Variants in SLC6A2 observed in about 807,000 individuals in gnomAD.
The protein encoded by SLC6A2 is solute carrier family 6 member 2.
Under a neutral mutation model 71.7 loss-of-function variants are expected in SLC6A2, and 26 were observed. The ratio of observed to expected loss-of-function variants is 0.36; its 90% CI spans 0.27 to 0.50. The LOEUF is 0.50. Among genes scored for constraint, SLC6A2 ranks in the 20% least tolerant of loss-of-function variants. The pLI, the probability that SLC6A2 is intolerant of heterozygous loss-of-function variation, is 0.96. For missense variants in SLC6A2, 581 were observed against 803.9 expected (o/e 0.72, Z 3.35); for synonymous variants, 363 against 337.9 (o/e 1.07, Z -0.82).
intron 5 of SLC6A2, among the ~76,000 whole-genome samples, chr16:55,685,850 G>T (rs1965434750): frequency 6.6e-6 from 1 of 152,152 alleles, no homozygotes; most frequent in African/African-American, 2.4e-5. Flanking sequence ...GACCCATGAG[G>T]GCCAGTCCGG....
At chr16:55,664,915 A>C (rs1964706938) in intron 2 of SLC6A2, among the ~76,000 whole-genome samples, 1 of 151,994 alleles carries the variant, frequency 6.6e-6, no homozygotes, top group Admixed American at 6.6e-5. Flanking sequence ...ACCACCCTCC[A>C]ATACCCGGAC....
Position 55,685,348 on chromosome 16 carries a change from G to A in SLC6A2, c.783+67G>A, listed in dbSNP as rs1200237149. ...ACCTTGGGGGGTGTGATTATTTCTAGCAATAATTATGTAGCTGGTGGACAA... is the reference window on the plus strand; with the variant it reads ...ACCTTGGGGGGTGTGATTATTTCTAACAATAATTATGTAGCTGGTGGACAA... On this transcript the variant is annotated intron_variant, in intron 5 of 14. Coordinates refer to ENST00000568943, the MANE Select transcript of SLC6A2 (RefSeq NM_001172501.3). The A allele has an allele frequency of 2.0e-6, 3 of 1,528,872 alleles. No homozygotes were observed. In the African/African-American group the frequency reaches 4.1e-5, roughly 21 times the overall value. 94.7% of individuals were successfully genotyped at this position (1,528,872 alleles called of 1,614,324 possible).
At position 55,656,684 on chromosome 16, in the gene SLC6A2, C is replaced by T; in HGVS notation, c.-11C>T. ...CCAGGACCGGTAAAGTTCCTCTCGC[C>T]AGCCGCATCCATGCTTCTGGCGCGG... On this transcript the variant is annotated 5_prime_UTR_variant, in exon 2 of 15. Coordinates refer to ENST00000568943, the MANE Select transcript of SLC6A2 (RefSeq NM_001172501.3). This position sits in a 1 kb window ranked among gnomAD's most constrained non-coding sequence, Gnocchi z 4.5. 1.9e-6 allele frequency: 3 copies of T among 1,611,726 alleles called. No homozygotes were observed. Among genetic ancestry groups the T allele is most frequent in the Non-Finnish European group, 1.7e-6 (2 of 1,179,904 alleles).
intron 4 of SLC6A2, among the ~76,000 whole-genome samples, chr16:55,678,224 T>C (rs759743651): frequency 9.9e-5 from 15 of 151,558 alleles, no homozygotes; most frequent in Non-Finnish European, 1.8e-4. Context: ...TAGATAGGAG[T>C]TCTTCTCACG....
intron 3 of SLC6A2, among the ~76,000 whole-genome samples, chr16:55,669,950 T>A (rs531779451): frequency 6.6e-6 from 1 of 152,324 alleles, no homozygotes; most frequent in East Asian, 1.9e-4. Context: ...GAGAATCTAT[T>A]TCCTGTATGG....
At chr16:55,671,812 G>T in intron 3 of SLC6A2, 126 bp from the exon 4 acceptor site, 1 of 1,513,294 alleles carries the variant, frequency 6.6e-7, no homozygotes, top group South Asian at 1.3e-5. Flanking sequence ...AAAGGTTGGG[G>T]ACCGCTGTTC....
intron 4 of SLC6A2, among the ~76,000 whole-genome samples, chr16:55,680,113 G>T (rs1165482130): frequency 4.6e-5 from 7 of 152,174 alleles, no homozygotes; most frequent in African/African-American, 7.2e-5. Flanking sequence ...ACTGTTTTAG[G>T]TGCTAAGAAG....
intron 5 of SLC6A2, among the ~76,000 whole-genome samples, chr16:55,691,433 G>T (rs1337481442): frequency 6.6e-6 from 1 of 152,156 alleles, no homozygotes; most frequent in Non-Finnish European, 1.5e-5. Flanking sequence ...CTTGATCTAG[G>T]CAATCCTTTG....
chr16:55,705,189 G>T lies in SLC6A2; in HGVS notation c.*2843G>T, dbSNP rs1262661734. On this transcript the variant is annotated 3_prime_UTR_variant, in exon 15 of 15. Coordinates refer to ENST00000568943, the MANE Select transcript of SLC6A2 (RefSeq NM_001172501.3). ...CGTCTACTCAATGTCTAGTTATTTA[G>T]CACCCACCTTTTAGCTTTCATTCTA... 6.6e-7 allele frequency: 1 copy of T among 1,513,862 alleles called. No individual in the cohort carries two copies. The highest frequency in any genetic ancestry group is 1.4e-5 in the African/African-American group (1 of 72,524). The allele number at this position is 1,513,862 out of a possible 1,614,324, so 93.8% of individuals were successfully genotyped here.
At chr16:55,681,768 T>G (rs1391426383) in intron 4 of SLC6A2, among the ~76,000 whole-genome samples, 1 of 152,278 alleles carries the variant, frequency 6.6e-6, no homozygotes, top group Non-Finnish European at 1.5e-5. Flanking sequence ...CATCTGCCTC[T>G]GGCAGACAGA....
intron 3 of SLC6A2, among the ~76,000 whole-genome samples, chr16:55,671,390 G>T (rs552688961): frequency 1.3e-5 from 2 of 152,276 alleles, no homozygotes; most frequent in African/African-American, 4.8e-5. Context: ...CCAGTGGAAA[G>T]AGAGAGCTCT....
Position 55,698,492 on chromosome 16 carries a change from C to T in SLC6A2, c.1413C>T (p.Leu471=), listed in dbSNP as rs1965869309. 1.2e-6 allele frequency: 2 copies of T among 1,613,966 alleles called. No homozygotes were observed. Among genetic ancestry groups the T allele is most frequent in the Non-Finnish European group, 1.7e-6 (2 of 1,179,960 alleles). ...ITKGGIYVLT[L]LDTFAAGTSI... The stretch of plus-strand genomic sequence containing the variant: ...AGGGTGGAATTTACGTCTTGACCCT[C>T]CTGGACACCTTTGCTGCGGGCACCT... Residue 471 remains leucine (L), a synonymous_variant, in exon 11 of 15, where the codon CTC becomes CTT. Coordinates refer to ENST00000568943, the MANE Select transcript of SLC6A2 (RefSeq NM_001172501.3).
intron 2 of SLC6A2, among the ~76,000 whole-genome samples, chr16:55,666,605 T>C (rs1964756871): frequency 6.6e-6 from 1 of 152,208 alleles, no homozygotes; most frequent in Admixed American, 6.5e-5. Context: ...AAGCTTTGGC[T>C]GGCCCACATC....
Position 55,692,029 on chromosome 16 carries a change from T to A in SLC6A2, c.895T>A (p.Phe299Ile), listed in dbSNP as rs769759246. ...NGINAYLHID[F>I]YRLKEATVWI... ...CATCAATGCCTACCTGCACATCGAC[T>A]TCTACCGCTTGAAAGAGGCCACGGT... Residue 299 changes from phenylalanine (F) to isoleucine (I), a missense_variant, in exon 6 of 15, where the codon TTC becomes ATC. Physicochemically the swap from Phe to Ile is conservative, Grantham distance 21. Coordinates refer to ENST00000568943, the MANE Select transcript of SLC6A2 (RefSeq NM_001172501.3). 1.4e-5 allele frequency: 22 copies of A among 1,614,052 alleles called. No homozygotes were observed. Among genetic ancestry groups the A allele is most frequent in the Non-Finnish European group, 1.9e-5 (22 of 1,180,040 alleles).
intron 2 of SLC6A2, among the ~76,000 whole-genome samples, chr16:55,658,642 G>C (rs1463103035): frequency 6.6e-6 from 1 of 152,164 alleles, no homozygotes. Context: ...ACAGATGGAG[G>C]TTTGCGTCCA....
chr16:55,675,501 T>C (rs890391227), intron 4 of SLC6A2, among the ~76,000 whole-genome samples: 3 of 152,224 alleles, frequency 2.0e-5, no homozygotes, highest in African/African-American at 7.2e-5. Flanking sequence ...TCACAGGTCG[T>C]ACCTAAACAG....
Position 55,700,361 on chromosome 16 carries a change from C to T in SLC6A2, c.1758+55C>T, listed in dbSNP as rs1597016827. 1.4e-5 allele frequency: 20 copies of T among 1,459,136 alleles called. No homozygotes were observed. The East Asian group carries it at 1.4e-4, about 10-fold the overall frequency. 90.4% of individuals were successfully genotyped at this position (1,459,136 alleles called of 1,614,324 possible). A position where few individuals can be genotyped will look rare whatever the true frequency, so the allele number is the denominator to read the frequency against. ...GGTGGGAGGGGGCTGAGGGGGAAGA[C>T]GGGACGACTCTCATTCCTGTTGGGG... On this transcript the variant is annotated intron_variant, in intron 13 of 14. Coordinates refer to ENST00000568943, the MANE Select transcript of SLC6A2 (RefSeq NM_001172501.3).
rs998424 is a variant in SLC6A2, at chr16:55,698,034, G to A, written c.1389+9G>A. 520,393 of 1,613,250 alleles carry A rather than the reference G, an allele frequency of 0.32. 88,058 individuals are homozygous for A. Among genetic ancestry groups the A allele is most frequent in the Admixed American group, 0.38 (23,011 of 60,012 alleles). ...TGTTCTGCATAACCAAGGTGAGTAG[G>A]GGCTGGGCTCTGGGTCACCTGGGGG... On this transcript the variant is annotated intron_variant, in intron 10 of 14. Coordinates refer to ENST00000568943, the MANE Select transcript of SLC6A2 (RefSeq NM_001172501.3).
intron 13 of SLC6A2, 70 bp from the exon 14 acceptor site, chr16:55,701,793 G>A (rs1418104583): frequency 1.1e-5 from 13 of 1,156,364 alleles, no homozygotes; most frequent in East Asian, 2.3e-5. Flanking sequence ...CTCATCTGGG[G>A]GTGCAGCCAG....
Sources: gnomAD v4.1 joint callset for allele counts (sites outside exome capture counted in the v4.1 genomes callset) on GRCh38, gnomAD v4.1.1 for gene constraint, Gnocchi (gnomAD v3.1) non-coding constraint, MANE v1.5 for transcripts, NCBI Gene and HGNC (gene_info 2026-07-23, HGNC 2026-07-21) for gene names.